Variants in CCDC178 observed in about 807,000 individuals in gnomAD.
The protein encoded by CCDC178 is coiled-coil domain containing 178.
A neutral mutation model predicts 117.4 loss-of-function variants in CCDC178; 126 were observed. The observed-to-expected ratio is 1.07, with a 90% CI of 0.93 to 1.24. The LOEUF is 1.24. CCDC178 is among the 50% of genes most tolerant of loss of function. CCDC178 has a pLI of 0.00. For synonymous variants in CCDC178, 283 were observed against 313.4 expected (o/e 0.90, Z 1.02); for missense variants, 1,030 against 986.9 (o/e 1.04, Z -0.59).
At chr18:33,097,747 T>C (rs896025704) in intron 20 of CCDC178, among the ~76,000 whole-genome samples, 2 of 152,114 alleles carry the variant, frequency 1.3e-5, no homozygotes, top group Non-Finnish European at 2.9e-5. Flanking sequence ...TCTAAGTCCA[T>C]TTCTGCCAAG....
At chr18:33,200,593 C>A (rs1245904927) in intron 20 of CCDC178, among the ~76,000 whole-genome samples, 6 of 152,196 alleles carry the variant, frequency 3.9e-5, no homozygotes, top group Non-Finnish European at 7.3e-5. Context: ...TAAATGCATG[C>A]TGATTTTCGA....
intron 20 of CCDC178, among the ~76,000 whole-genome samples, chr18:33,108,933 T>G (rs1203579482): frequency 6.6e-6 from 1 of 151,640 alleles, no homozygotes; most frequent in African/African-American, 2.4e-5. Flanking sequence ...AGATATCCCC[T>G]CCAGTTATCA....
chr18:33,082,736 TAAATA>T lies in CCDC178; in HGVS notation c.2388+10020_2388+10024del, dbSNP rs936027867. ...ACTTAAAGTATAATAAAAATATATA[TAAATA>T]AAATAAAATACGTATTCTAAAAAAA... On this transcript the variant is annotated intron_variant, in intron 21 of 22. Coordinates refer to ENST00000383096, the MANE Select transcript of CCDC178 (RefSeq NM_001105528.4). 4.3e-4 allele frequency among the ~76,000 whole-genome samples: 65 copies of T among 151,592 alleles called. 1 individual carries two copies. The East Asian group carries it at 0.01, about 24-fold the overall frequency.
chr18:33,147,896 G>T (rs1261936593), intron 20 of CCDC178, among the ~76,000 whole-genome samples: 1 of 152,166 alleles, frequency 6.6e-6, no homozygotes, highest in Non-Finnish European at 1.5e-5. Flanking sequence ...CTCCCAGACG[G>T]GGTGGCTGCC....
chr18:33,241,436 GTGTGT>G (rs2059486960), intron 15 of CCDC178, among the ~76,000 whole-genome samples: 1 of 6,890 alleles, frequency 1.5e-4, no homozygotes, highest in South Asian at 0.015. Flanking sequence ...GATCGTGTGT[GTGTGT>G]GTGTGTGTGT....
At chr18:33,307,471 G>C (rs186022252) in intron 11 of CCDC178, among the ~76,000 whole-genome samples, 21 of 152,308 alleles carry the variant, frequency 1.4e-4, no homozygotes, top group Admixed American at 8.5e-4. Context: ...ATGTCTAAGT[G>C]GCAAAGCATT....
chr18:33,215,983 A>T (rs1209828954), intron 18 of CCDC178, among the ~76,000 whole-genome samples: 1 of 151,954 alleles, frequency 6.6e-6, no homozygotes, highest in Non-Finnish European at 1.5e-5. Flanking sequence ...CTGTAGTCCC[A>T]GCTACTTGGG....
At chr18:33,130,750 C>A (rs558154710) in intron 20 of CCDC178, among the ~76,000 whole-genome samples, 2 of 152,054 alleles carry the variant, frequency 1.3e-5, no homozygotes, top group South Asian at 4.1e-4. Flanking sequence ...GAAATACGTA[C>A]TTCCTCTTAT....
At chr18:33,228,870 T>C (rs2059338861) in intron 15 of CCDC178, among the ~76,000 whole-genome samples, 1 of 152,134 alleles carries the variant, frequency 6.6e-6, no homozygotes, top group South Asian at 2.1e-4. Flanking sequence ...ACTGGGAAAA[T>C]GCCAAGAGGC....
At chr18:32,974,832 G>A (rs1003717980) in intron 21 of CCDC178, 151 bp from the exon 22 acceptor site, 6 of 733,118 alleles carry the variant, frequency 8.2e-6, no homozygotes, top group South Asian at 2.0e-5. Flanking sequence ...ACAGTCTCTT[G>A]ATTTTTCAGC....
At chr18:33,434,857 G>GA (rs560357297) in intron 2 of CCDC178, among the ~76,000 whole-genome samples, 1 of 151,976 alleles carries the variant, frequency 6.6e-6, no homozygotes, top group Admixed American at 6.5e-5. Flanking sequence ...AAGGAAGAGG[G>GA]AAAAAATATT....
chr18:33,028,460 C>G (rs1397180463), intron 21 of CCDC178, among the ~76,000 whole-genome samples: 1 of 151,638 alleles, frequency 6.6e-6, no homozygotes. Flanking sequence ...ACATTCCAAC[C>G]AGGTTTGAAT....
At chr18:32,950,134 GC>G (rs751848930) in intron 22 of CCDC178, among the ~76,000 whole-genome samples, 24 of 152,116 alleles carry the variant, frequency 1.6e-4, no homozygotes, top group Non-Finnish European at 3.4e-4. Flanking sequence ...TTTCTTAGAA[GC>G]ATTTGCTGCT....
At chr18:33,166,180 G>A (rs753161380) in intron 20 of CCDC178, among the ~76,000 whole-genome samples, 1 of 152,120 alleles carries the variant, frequency 6.6e-6, no homozygotes, top group Non-Finnish European at 1.5e-5. Context: ...AGGGTCTTAT[G>A]GATCCCCAAG....
At chr18:33,360,835 G>C (rs1599219137) in intron 6 of CCDC178, among the ~76,000 whole-genome samples, 1 of 151,606 alleles carries the variant, frequency 6.6e-6, no homozygotes, top group Non-Finnish European at 1.5e-5. Flanking sequence ...ATTAATGAAA[G>C]AAATTGAGCG....
At chr18:33,223,241 A>C in intron 17 of CCDC178, 22 bp from the exon 18 acceptor site, 2 of 1,572,722 alleles carry the variant, frequency 1.3e-6, no homozygotes, top group Non-Finnish European at 1.7e-6. Flanking sequence ...TCAGATATTA[A>C]GATGTGCAGC....
chr18:33,155,432 A>T (rs1326501973), intron 20 of CCDC178, among the ~76,000 whole-genome samples: 2 of 152,162 alleles, frequency 1.3e-5, no homozygotes, highest in Non-Finnish European at 2.9e-5. Flanking sequence ...AGTTATCTAA[A>T]TTTTTACTTT....
intron 16 of CCDC178, among the ~76,000 whole-genome samples, chr18:33,225,793 C>A (rs2059296202): frequency 6.6e-6 from 1 of 152,070 alleles, no homozygotes; most frequent in South Asian, 2.1e-4. Context: ...TTGAAAATGC[C>A]AAATTTCATA....
intron 6 of CCDC178, among the ~76,000 whole-genome samples, chr18:33,364,030 TG>T (rs1487533570): frequency 6.6e-6 from 1 of 152,070 alleles, no homozygotes; most frequent in African/African-American, 2.4e-5. Context: ...GTTAAGCACT[TG>T]TCTGTTGAGA....
Sources: gnomAD v4.1 joint callset for allele counts (sites outside exome capture counted in the v4.1 genomes callset) on GRCh38, gnomAD v4.1.1 for gene constraint, MANE v1.5 for transcripts, NCBI Gene and HGNC (gene_info 2026-07-23, HGNC 2026-07-21) for gene names.